ADAMTSL1: variants seen among roughly 807,000 people sequenced by gnomAD.
The protein encoded by ADAMTSL1 is ADAMTS like 1.
A neutral mutation model predicts 201.8 loss-of-function variants in ADAMTSL1; 126 were observed. The observed-to-expected ratio is 0.62, with a 90% CI of 0.54 to 0.72. The LOEUF (loss-of-function observed/expected upper bound fraction) is 0.72, where lower values mean the gene tolerates loss of function less well. ADAMTSL1 is among the 30% of genes least tolerant of loss of function. ADAMTSL1 has a pLI of 0.00. For missense variants in ADAMTSL1, 2,679 were observed against 2,277.8 expected (o/e 1.18, Z -3.59); for synonymous variants, 1,121 against 903.4 (o/e 1.24, Z -4.32).
At chr9:18,402,144 C>T (rs1818011411) in intron 2 of ADAMTSL1, among the ~76,000 whole-genome samples, 2 of 152,144 alleles carry the variant, frequency 1.3e-5, no homozygotes, top group Non-Finnish European at 2.9e-5. Context: ...CCAGAAGGCT[C>T]ATTTGTCTGA....
chr9:17,958,541 G>A (rs972748191), intron 1 of ADAMTSL1, among the ~76,000 whole-genome samples: 14 of 152,128 alleles, frequency 9.2e-5, no homozygotes, highest in African/African-American at 3.4e-4. Flanking sequence ...ATGAGGAACA[G>A]CTCATTAATT....
intron 15 of ADAMTSL1, among the ~76,000 whole-genome samples, chr9:18,740,303 C>G (rs971342293): frequency 6.6e-5 from 10 of 151,968 alleles, no homozygotes; most frequent in African/African-American, 2.4e-4. Context: ...CTGAAGTCAC[C>G]TTTGTCATTA....
At chr9:18,154,415 C>T (rs1026780886) in intron 1 of ADAMTSL1, among the ~76,000 whole-genome samples, 1 of 152,104 alleles carries the variant, frequency 6.6e-6, no homozygotes, top group East Asian at 1.9e-4. Context: ...CTGGTGGTTC[C>T]GTAGGCACAG....
At chr9:18,351,149 A>G (rs1835946904) in intron 2 of ADAMTSL1, among the ~76,000 whole-genome samples, 1 of 152,020 alleles carries the variant, frequency 6.6e-6, no homozygotes, top group Non-Finnish European at 1.5e-5. Context: ...CCTTGCATCT[A>G]GATTAATAAG....
At chr9:18,323,581 T>C (rs1417310269) in intron 2 of ADAMTSL1, among the ~76,000 whole-genome samples, 1 of 152,188 alleles carries the variant, frequency 6.6e-6, no homozygotes, top group Non-Finnish European at 1.5e-5. Flanking sequence ...ACTCTCTTTA[T>C]TGACAGACAG....
At chr9:18,363,569 G>A (rs1187168477) in intron 2 of ADAMTSL1, among the ~76,000 whole-genome samples, 1 of 152,180 alleles carries the variant, frequency 6.6e-6, no homozygotes, top group Non-Finnish European at 1.5e-5. Context: ...CATTTTTAGT[G>A]AAGAATGCTT....
chr9:18,738,636 G>A (rs1480750509), intron 15 of ADAMTSL1, among the ~76,000 whole-genome samples: 2 of 152,070 alleles, frequency 1.3e-5, no homozygotes, highest in Non-Finnish European at 2.9e-5. Flanking sequence ...TTTCCTAGCT[G>A]GAAAAATAGA....
At chr9:18,658,018 A>G (rs1021619594) in intron 8 of ADAMTSL1, among the ~76,000 whole-genome samples, 3 of 139,830 alleles carry the variant, frequency 2.1e-5, no homozygotes, top group Non-Finnish European at 4.5e-5. Flanking sequence ...ACTGTCGCCC[A>G]GGCTGGAGTG....
At chr9:18,147,554 TG>T (rs1826698742) in intron 1 of ADAMTSL1, among the ~76,000 whole-genome samples, 1 of 152,132 alleles carries the variant, frequency 6.6e-6, no homozygotes, top group South Asian at 2.1e-4. Context: ...CTCTTTACAC[TG>T]GTAAGGCTAC....
intron 1 of ADAMTSL1, among the ~76,000 whole-genome samples, chr9:18,088,441 T>G (rs954553781): frequency 3.9e-5 from 6 of 151,956 alleles, no homozygotes; most frequent in African/African-American, 1.2e-4. Flanking sequence ...AAGGAAACAA[T>G]CAACATGGAG....
intron 2 of ADAMTSL1, among the ~76,000 whole-genome samples, chr9:18,214,276 T>C (rs577686865): frequency 4.6e-5 from 7 of 152,338 alleles, no homozygotes; most frequent in African/African-American, 1.7e-4. Flanking sequence ...GTACATGTTA[T>C]CATAAAATCT....
chr9:17,927,423 T>C (rs1024247282), intron 1 of ADAMTSL1, among the ~76,000 whole-genome samples: 5 of 152,170 alleles, frequency 3.3e-5, no homozygotes, highest in South Asian at 4.1e-4. Flanking sequence ...TGTATATACA[T>C]GTATACATAT....
intron 3 of ADAMTSL1, among the ~76,000 whole-genome samples, chr9:18,568,726 ATT>A (rs57985853): frequency 0.26 from 36,858 of 143,756 alleles, 4,918 homozygotes; most frequent in East Asian, 0.57. Flanking sequence ...AGAAGCATGG[ATT>A]TTTTTTTTTT....
rs372200272 is a variant in ADAMTSL1, at chr9:17,917,826, T to C, written c.87+10904T>C. 2.0e-5 allele frequency among the ~76,000 whole-genome samples: 3 copies of C among 152,108 alleles called. No homozygotes were observed. The South Asian group carries it at 6.2e-4, about 31-fold the overall frequency. On this transcript the variant is annotated intron_variant, in intron 1 of 29. Transcript: ENST00000680146. Reference sequence around the variant, plus strand: ...AAATTTTATTTGGTGTGAGAACTGTTTAATTACAAACTTAATTTCTTGAAT... The same window carrying C: ...AAATTTTATTTGGTGTGAGAACTGTCTAATTACAAACTTAATTTCTTGAAT...
At position 18,722,812 on chromosome 9, in the gene ADAMTSL1, C is replaced by T. The variant is rs145840464; in HGVS notation, c.2006+1147C>T. On this transcript the variant is annotated intron_variant, in intron 15 of 28. Transcript: ENST00000380548. Reference sequence around the variant, plus strand: ...TCAGTCAGCCACTGCTTTGGAGAAGCACCCAACCCATGAGAACAGCAGTCA... The same window carrying T: ...TCAGTCAGCCACTGCTTTGGAGAAGTACCCAACCCATGAGAACAGCAGTCA... Among the ~76,000 whole-genome samples the T allele has an allele frequency of 9.8e-5, 15 of 152,314 alleles. 1 individual carries two copies. Among genetic ancestry groups the T allele is most frequent in the African/African-American group, 3.4e-4 (14 of 41,566 alleles).
intron 2 of ADAMTSL1, among the ~76,000 whole-genome samples, chr9:18,307,182 C>T (rs1219149315): frequency 6.6e-6 from 1 of 152,058 alleles, no homozygotes; most frequent in African/African-American, 2.4e-5. Flanking sequence ...TTTACAAAAG[C>T]TCCTGAAGGA....
At chr9:17,972,423 T>C (rs1445949063) in intron 1 of ADAMTSL1, among the ~76,000 whole-genome samples, 1 of 151,286 alleles carries the variant, frequency 6.6e-6, no homozygotes, top group Non-Finnish European at 1.5e-5. Context: ...GTTTCGTTTT[T>C]TGTCCTTGCG....
At chr9:18,779,469 C>G (rs1821256476) in intron 19 of ADAMTSL1, among the ~76,000 whole-genome samples, 1 of 152,134 alleles carries the variant, frequency 6.6e-6, no homozygotes, top group African/African-American at 2.4e-5. Flanking sequence ...ATCGTAGGAA[C>G]TAGTAGGTAC....
intron 1 of ADAMTSL1, among the ~76,000 whole-genome samples, chr9:17,924,346 A>G (rs1228781696): frequency 6.6e-6 from 1 of 152,068 alleles, no homozygotes; most frequent in Non-Finnish European, 1.5e-5. Flanking sequence ...TTCCTGGTTT[A>G]GTCTTGGGAG....
Sources: gnomAD v4.1 joint callset for allele counts (sites outside exome capture counted in the v4.1 genomes callset) on GRCh38, gnomAD v4.1.1 for gene constraint, MANE v1.5 for transcripts, NCBI Gene and HGNC (gene_info 2026-07-23, HGNC 2026-07-21) for gene names.